Variants in ZNF469 observed in about 807,000 individuals in gnomAD.
ZNF469 encodes zinc finger protein 469.
ZNF469 carries 1 observed loss-of-function variant against 1.0 expected under a neutral mutation model. The observed-to-expected ratio is 1.00, with a 90% CI of 0.35 to 4.73. The LOEUF is 4.73. ZNF469 is among the 30% of genes most tolerant of loss of function. The probability of loss-of-function intolerance (pLI) is 0.16; values close to 1 mark genes in which losing one functional copy is unlikely to be tolerated. For synonymous variants in ZNF469, 2,703 were observed against 2,363.4 expected, an observed-to-expected ratio of 1.14 and a Z score of -4.17; for missense variants, 6,100 against 5,356.3, an observed-to-expected ratio of 1.14 and a Z score of -4.33.
In ZNF469 at chr16:88,436,887, C is replaced by G. The variant is rs747613949; in HGVS notation, c.9417C>G (p.Pro3139=). The change falls in exon 3 of 3, where the codon CCC becomes CCG. Residue 3139 remains proline, a synonymous_variant. Transcript: ENST00000565624. The part of the protein sequence containing the change: ...ELDLHKLAHT[P]APPPTCYMCV... ...ACCTGCACAAGCTGGCCCACACGCCCGCGCCGCCGCCCACCTGCTACATGT... is the reference window on the plus strand; with the variant it reads ...ACCTGCACAAGCTGGCCCACACGCCGGCGCCGCCGCCCACCTGCTACATGT... The G allele has an allele frequency of 3.3e-6, 5 of 1,505,626 alleles. No individual in the cohort carries two copies. Among genetic ancestry groups the G allele is most frequent in the Middle Eastern group, 3.5e-4 (2 of 5,670 alleles). The allele number at this position is 1,505,626 out of a possible 1,614,324, so 93.3% of individuals were successfully genotyped here.
the ZNF469 span, among the ~76,000 whole-genome samples, chr16:88,200,634 C>T: frequency 0.2 from 30,876 of 152,296 alleles, 3,880 homozygotes; most frequent in Non-Finnish European, 0.29. Flanking sequence ...GACGTCAAAC[C>T]ACAGTCAGGT....
Position 88,397,067 on chromosome 16 carries a change from C to A in ZNF469, c.-192+13813C>A, listed in dbSNP as rs552329174. Among the ~76,000 whole-genome samples the A allele has an allele frequency of 3.6e-4, 53 of 148,756 alleles. No homozygotes were observed. The East Asian group carries it at 8.4e-3, about 23-fold the overall frequency. ...GAAGACAGGCCGGGAGGAGACCCTTCTGAAGGGAGGCCAGGCAGAGACCCT... is the reference window on the plus strand; with the variant it reads ...GAAGACAGGCCGGGAGGAGACCCTTATGAAGGGAGGCCAGGCAGAGACCCT... On this transcript the variant is annotated intron_variant, in intron 1 of 2. Transcript: ENST00000565624.
At chr16:88,139,179 C>CA in the ZNF469 span, among the ~76,000 whole-genome samples, 84,388 of 151,790 alleles carry the variant, frequency 0.56, 28,014 homozygotes, top group Non-Finnish European at 0.76. Flanking sequence ...CTGCATCCCA[C>CA]ATGCTGGAAG....
At chr16:88,210,632 C>T in the ZNF469 span, among the ~76,000 whole-genome samples, 1 of 152,170 alleles carries the variant, frequency 6.6e-6, no homozygotes, top group Admixed American at 6.5e-5. Context: ...CTAATTCCAT[C>T]TTTTACTAAA....
chr16:88,431,435 G>A lies in ZNF469; in HGVS notation c.3965G>A (p.Arg1322His), dbSNP rs1157325585. ...CACAACAGCAAGGACCCCCCTGCCC[G>A]CCAGCCTGGAGAATTTCTGGCACCC... is the stretch of plus-strand genomic sequence containing the variant. ...VSHNSKDPPARQPGEFLAPVA... is the reference protein window; with the variant it reads ...VSHNSKDPPAHQPGEFLAPVA... Residue 1322 changes from arginine to histidine, a missense_variant, in exon 3 of 3, where the codon CGC becomes CAC. Physicochemically the swap from Arg to His is conservative, Grantham distance 29. Coordinates refer to ENST00000565624, the MANE Select transcript of ZNF469 (RefSeq NM_001367624.2). The A allele has an allele frequency of 3.9e-6, 6 of 1,550,334 alleles. No individual in the cohort carries two copies. The highest frequency in any genetic ancestry group is 1.7e-4 in the Middle Eastern group (1 of 5,992).
chr16:88,164,258 G>T, the ZNF469 span, among the ~76,000 whole-genome samples: 1 of 151,950 alleles, frequency 6.6e-6, no homozygotes, highest in Admixed American at 6.6e-5. Flanking sequence ...TGGGTAGATG[G>T]GTGGGCAGAT....
the ZNF469 span, among the ~76,000 whole-genome samples, chr16:88,226,732 C>T: frequency 6.7e-6 from 1 of 150,168 alleles, no homozygotes; most frequent in African/African-American, 2.5e-5. Flanking sequence ...CGAAACAGGC[C>T]CTGCCCGCCC....
At chr16:88,345,943 G>C in the ZNF469 span, among the ~76,000 whole-genome samples, 2 of 152,206 alleles carry the variant, frequency 1.3e-5, no homozygotes, top group African/African-American at 4.8e-5. Flanking sequence ...ACCTGGCATC[G>C]CATCACCCTG....
chr16:88,167,053 C>CTTTTTTTTTTTTTTTTTTTTTTTTTT, the ZNF469 span, among the ~76,000 whole-genome samples: 1 of 82,840 alleles, frequency 1.2e-5, no homozygotes. Context: ...CAGGCTTATT[C>CTTTTTTTTTTTTTTTTTTTTTTTTTT]TTTTTTTTTT....
the ZNF469 span, among the ~76,000 whole-genome samples, chr16:88,244,173 A>G: frequency 2.9e-5 from 4 of 136,236 alleles, no homozygotes; most frequent in African/African-American, 1.1e-4. Context: ...GGATGGACAG[A>G]TAGGTGGGTA....
chr16:88,240,856 G>C, the ZNF469 span, among the ~76,000 whole-genome samples: 1 of 152,090 alleles, frequency 6.6e-6, no homozygotes, highest in Non-Finnish European at 1.5e-5. Context: ...CTGACGCCAG[G>C]GACCCTCAGT....
chr16:88,333,550 C>G, the ZNF469 span, among the ~76,000 whole-genome samples: 1 of 151,876 alleles, frequency 6.6e-6, no homozygotes, highest in South Asian at 2.1e-4. Flanking sequence ...AAGGCTCGGA[C>G]TTGCTGAGTC....
At position 88,429,187 on chromosome 16, in the gene ZNF469, C is replaced by A. The variant is rs1472622758; in HGVS notation, c.1717C>A (p.His573Asn). The A allele has an allele frequency of 6.5e-7, 1 of 1,549,926 alleles. No individual in the cohort carries two copies. The highest frequency in any genetic ancestry group is 2.0e-5 in the Admixed American group (1 of 51,008). The change falls in exon 3 of 3, where the codon CAC (histidine) becomes AAC (asparagine). Residue 573 changes from histidine (H) to asparagine (N), a missense_variant. Coordinates refer to ENST00000565624, the MANE Select transcript of ZNF469 (RefSeq NM_001367624.2). Reference sequence around the variant, plus strand: ...GGTGGCCCAGCCCCAGGTTTCACCCCACGGGACACCCAGCCTGCCCCCACC... The same window carrying A: ...GGTGGCCCAGCCCCAGGTTTCACCCAACGGGACACCCAGCCTGCCCCCACC... ...FGVAQPQVSP[H>N]GTPSLPPPRV...
At chr16:88,298,099 T>C in the ZNF469 span, among the ~76,000 whole-genome samples, 1 of 152,196 alleles carries the variant, frequency 6.6e-6, no homozygotes, top group Non-Finnish European at 1.5e-5. Flanking sequence ...AAGACCAGAA[T>C]TGCAGATGTA....
chr16:88,145,918 C>A, the ZNF469 span, among the ~76,000 whole-genome samples: 1 of 152,234 alleles, frequency 6.6e-6, no homozygotes, highest in Non-Finnish European at 1.5e-5. Flanking sequence ...CAGGGCCCAG[C>A]GGTCCGGCCT....
chr16:88,430,956 C>A lies in ZNF469; in HGVS notation c.3486C>A (p.Arg1162=). 1 of 1,535,938 alleles carries A rather than the reference C, an allele frequency of 6.5e-7. No homozygotes were observed. The highest frequency in any genetic ancestry group is 8.7e-7 in the Non-Finnish European group (1 of 1,145,022). The change falls in exon 3 of 3, where the codon CGC becomes CGA. Residue 1162 remains arginine, a synonymous_variant. Coordinates refer to ENST00000565624, the MANE Select transcript of ZNF469 (RefSeq NM_001367624.2). ...PANPEEPGGS[R]PGPGRSPQAR... is the part of the protein sequence containing the mutation. ...ACCCCGAGGAGCCGGGCGGGTCTCGCCCGGGCCCCGGCAGGAGCCCTCAGG... is the reference window on the plus strand; with the variant it reads ...ACCCCGAGGAGCCGGGCGGGTCTCGACCGGGCCCCGGCAGGAGCCCTCAGG...
the ZNF469 span, among the ~76,000 whole-genome samples, chr16:88,239,372 C>T: frequency 6.6e-6 from 1 of 152,006 alleles, no homozygotes; most frequent in African/African-American, 2.4e-5. Flanking sequence ...TTGAAAGCCA[C>T]TTATATAAAA....
the ZNF469 span, among the ~76,000 whole-genome samples, chr16:88,264,065 G>A: frequency 2.6e-5 from 4 of 152,036 alleles, no homozygotes; most frequent in African/African-American, 9.7e-5. Flanking sequence ...CTCGGCCCCT[G>A]GGAGACTTAC....
the ZNF469 span, among the ~76,000 whole-genome samples, chr16:88,375,870 C>A: frequency 6.6e-6 from 1 of 152,310 alleles, no homozygotes; most frequent in African/African-American, 2.4e-5. Context: ...GTGGCAAAAA[C>A]GGAAGCATGA....
Sources: allele counts gnomAD v4.1 joint callset (sites outside exome capture counted in the v4.1 genomes callset), GRCh38; gene constraint gnomAD v4.1.1; transcripts MANE v1.5; gene names NCBI Gene and HGNC (gene_info 2026-07-23, HGNC 2026-07-21).